The following PAX5 variants were observed in gnomAD, a reference collection of about 807,000 sequenced individuals.
PAX5 encodes the protein paired box 5, also known as paired box protein Pax-5.
PAX5 carries 9 observed loss-of-function variants against 43.7 expected under a neutral mutation model. That is an observed-to-expected ratio of 0.21 (90% CI 0.12 to 0.36). PAX5 has a LOEUF of 0.36. Ranked by LOEUF, PAX5 falls within the 10% of genes least tolerant of loss-of-function variation. PAX5 has a pLI of 1.00. For synonymous variants in PAX5, 228 were observed against 214.3 expected (o/e 1.06, Z -0.56); for missense variants, 383 against 532.7 (o/e 0.72, Z 2.77).
chr9:36,933,778 T>C (rs1395041191), intron 6 of PAX5, among the ~76,000 whole-genome samples: 2 of 152,182 alleles, frequency 1.3e-5, no homozygotes, highest in Non-Finnish European at 2.9e-5. Flanking sequence ...TCTGCCTTGA[T>C]TACAATGGAT....
chr9:36,946,954 CA>C (rs1832578244), intron 6 of PAX5, among the ~76,000 whole-genome samples: 1 of 152,176 alleles, frequency 6.6e-6, no homozygotes, highest in Non-Finnish European at 1.5e-5. Context: ...TTCCAAATCC[CA>C]AAAACCCATT....
At chr9:37,018,918 G>A (rs1427715547) in intron 2 of PAX5, among the ~76,000 whole-genome samples, 1 of 152,136 alleles carries the variant, frequency 6.6e-6, no homozygotes, top group African/African-American at 2.4e-5. Flanking sequence ...ATGTTTGGAT[G>A]TCCCCTCTGA....
chr9:36,952,958 C>G (rs56740470), intron 6 of PAX5, among the ~76,000 whole-genome samples: 10,124 of 152,250 alleles, frequency 0.066, 402 homozygotes, highest in South Asian at 0.13. Flanking sequence ...TTATGTAGAT[C>G]TGAGTTTCTG....
chr9:36,943,892 A>G (rs1357457790), intron 6 of PAX5, among the ~76,000 whole-genome samples: 1 of 152,142 alleles, frequency 6.6e-6, no homozygotes, highest in Non-Finnish European at 1.5e-5. Flanking sequence ...AATGGACCCA[A>G]TAAGTGACTA....
intron 2 of PAX5, among the ~76,000 whole-genome samples, chr9:37,016,506 G>T (rs1250909637): frequency 6.6e-6 from 1 of 152,084 alleles, no homozygotes; most frequent in Non-Finnish European, 1.5e-5. Flanking sequence ...GGATGTCAGG[G>T]TTTTACAGTA....
rs533159737 is a variant in PAX5 at position 36,904,838 on chromosome 9, T to C, written c.910+18517A>G. ...CTCGTTGGTTTATTAATTCATCCAT[T>C]CATTCATTCAATAAACACTTCCTGA... On this transcript the variant is annotated intron_variant, in intron 7 of 9. Transcript: ENST00000358127. Among the ~76,000 whole-genome samples, 10 of 152,324 alleles carry C rather than the reference T, an allele frequency of 6.6e-5. No homozygotes were observed. In the South Asian group the frequency reaches 1.2e-3, roughly 19 times the overall value.
chr9:36,920,510 C>T lies in PAX5; in HGVS notation c.910+2845G>A, dbSNP rs944676258. Among the ~76,000 whole-genome samples, 14 of 152,294 alleles carry T rather than the reference C, an allele frequency of 9.2e-5. 1 individual carries two copies. The South Asian group carries it at 2.9e-3, about 32-fold the overall frequency. ...GATGATTATGAGCATTTTTTAGCAA[C>T]AAGTATTTTTAAATTAAGGTATGTG... On this transcript the variant is annotated intron_variant, in intron 7 of 9. Coordinates refer to ENST00000358127, the MANE Select transcript of PAX5 (RefSeq NM_016734.3).
intron 1 of PAX5, among the ~76,000 whole-genome samples, chr9:37,021,063 G>A (rs1008622347): frequency 1.1e-4 from 16 of 152,098 alleles, no homozygotes; most frequent in East Asian, 1.9e-4. Flanking sequence ...CATTTTCCCC[G>A]TAATTTTTCT....
At position 36,839,592 on chromosome 9, in the gene PAX5, T is replaced by A. The variant is rs1587716508; in HGVS notation, c.*968A>T. 1 of 233,336 alleles carries A rather than the reference T, an allele frequency of 4.3e-6. No individual in the cohort carries two copies. Among genetic ancestry groups the A allele is most frequent in the East Asian group, 6.0e-5 (1 of 16,592 alleles). The allele number at this position is 233,336 out of a possible 1,614,324, so 14.5% of individuals were successfully genotyped here. ...AAGTGTCCATGGCAGGTGTCCGAAG[T>A]GACCTGAACCTGGGCATGCCTCAGA... On this transcript the variant is annotated 3_prime_UTR_variant, in exon 10 of 10. Coordinates refer to ENST00000358127, the MANE Select transcript of PAX5 (RefSeq NM_016734.3).
intron 6 of PAX5, chr9:36,930,795 A>C: frequency 7.8e-7 from 1 of 1,281,272 alleles, no homozygotes; most frequent in Non-Finnish European, 1.0e-6. Flanking sequence ...ACTAAGCAAT[A>C]TGAGAGGTTC....
intron 8 of PAX5, among the ~76,000 whole-genome samples, chr9:36,881,413 C>G (rs1029173144): frequency 6.6e-5 from 10 of 152,258 alleles, no homozygotes; most frequent in Admixed American, 5.9e-4. Context: ...CCCCACACCA[C>G]CCCACAATGT....
intron 6 of PAX5, among the ~76,000 whole-genome samples, chr9:36,928,187 C>T (rs749221135): frequency 1.4e-4 from 21 of 152,286 alleles, no homozygotes; most frequent in South Asian, 2.1e-4. Flanking sequence ...TTGAGGTGTC[C>T]GTGATTTTTA....
intron 7 of PAX5, among the ~76,000 whole-genome samples, chr9:36,889,945 G>GC (rs900375054): frequency 2.1e-5 from 3 of 143,516 alleles, no homozygotes; most frequent in African/African-American, 7.6e-5. Flanking sequence ...CACTAACGGG[G>GC]GGGGGGGGAA....
intron 5 of PAX5, among the ~76,000 whole-genome samples, chr9:36,976,839 C>T (rs975944137): frequency 6.6e-6 from 1 of 152,146 alleles, no homozygotes; most frequent in African/African-American, 2.4e-5. Context: ...ATTCCACATT[C>T]GAGGATGGCA....
chr9:36,921,471 A>G (rs1417024271), intron 7 of PAX5, among the ~76,000 whole-genome samples: 1 of 152,206 alleles, frequency 6.6e-6, no homozygotes, highest in African/African-American at 2.4e-5. Flanking sequence ...CATGGCCAGC[A>G]GCACGGGCCC....
rs1337956293 is a variant in PAX5, at chr9:37,020,691, C to G, written c.157G>C (p.Asp53His). The stretch of plus-strand genomic sequence containing the variant: ...CTGACCCGAAGCTGCCTGGAGATGT[C>G]GCAGGGCCTGACACCTTGATGAGCA... ...ELAHQGVRPC[D>H]ISRQLRVSHG... The change falls in exon 2 of 10, where the codon GAC becomes CAC. Residue 53 changes from aspartate (D) to histidine (H), a missense_variant. Physicochemically the swap from Asp to His is moderately conservative, Grantham distance 81. Coordinates refer to ENST00000358127, the MANE Select transcript of PAX5 (RefSeq NM_016734.3). 6.2e-7 allele frequency: 1 copy of G among 1,614,184 alleles called. No homozygotes were observed. Among genetic ancestry groups the G allele is most frequent in the Admixed American group, 1.7e-5 (1 of 60,020 alleles).
intron 7 of PAX5, among the ~76,000 whole-genome samples, chr9:36,884,019 A>G (rs528795200): frequency 6.6e-6 from 1 of 152,302 alleles, no homozygotes; most frequent in African/African-American, 2.4e-5. Context: ...TGCCTCATCC[A>G]TTTAGCTTCT....
chr9:36,946,522 G>A (rs1025220688), intron 6 of PAX5, among the ~76,000 whole-genome samples: 1 of 152,210 alleles, frequency 6.6e-6, no homozygotes, highest in African/African-American at 2.4e-5. Context: ...GGAATCTAAT[G>A]ACCAATGTCA....
chr9:36,876,409 G>C (rs1447607012), intron 8 of PAX5, among the ~76,000 whole-genome samples: 1 of 152,156 alleles, frequency 6.6e-6, no homozygotes, highest in Non-Finnish European at 1.5e-5. Context: ...GGGCCATGAG[G>C]GATGGGGCAC....
Sources: allele counts gnomAD v4.1 joint callset (sites outside exome capture counted in the v4.1 genomes callset), GRCh38; gene constraint gnomAD v4.1.1; transcripts MANE v1.5; gene names NCBI Gene and HGNC (gene_info 2026-07-23, HGNC 2026-07-21).